VAMP4: variants seen among roughly 807,000 people sequenced by gnomAD.
VAMP4 encodes the protein vesicle-associated membrane protein 4.
In VAMP4, 19 loss-of-function variants were observed where a neutral mutation model predicts 23.5. The observed-to-expected ratio is 0.81, with a 90% CI of 0.56 to 1.19. The LOEUF (loss-of-function observed/expected upper bound fraction) is 1.19. Among genes scored for constraint, VAMP4 ranks in the 50% most tolerant of loss-of-function variants. The pLI is 0.00. For missense variants in VAMP4, 145 were observed against 168.6 expected, an observed-to-expected ratio of 0.86 and a Z score of 0.78; for synonymous variants, 31 against 51.0, an observed-to-expected ratio of 0.61 and a Z score of 1.67.
chr1:171,732,930 G>A (rs923344769), intron 2 of VAMP4, among the ~76,000 whole-genome samples: 2 of 152,040 alleles, frequency 1.3e-5, no homozygotes, highest in Admixed American at 6.6e-5. Context: ...CAAAAGACCT[G>A]ATGTCTGTAT....
chr1:171,738,458 C>T lies in VAMP4; in HGVS notation c.-44G>A. ...ATCTTTTGCTTCTCAACAGGATAGT[C>T]ACCACCTTAAAGAGAAAATAAATTT... On this transcript the variant is annotated 5_prime_UTR_variant, in exon 2 of 8. An upstream open reading frame in the 5' UTR loses its in-frame stop. Coordinates refer to ENST00000236192, the MANE Select transcript of VAMP4 (RefSeq NM_003762.5). 1 of 1,576,078 alleles carries T rather than the reference C, an allele frequency of 6.3e-7. No individual in the cohort carries two copies. The highest frequency in any genetic ancestry group is 8.7e-7 in the Non-Finnish European group (1 of 1,147,256).
At chr1:171,732,484 C>T (rs1655595879) in intron 2 of VAMP4, among the ~76,000 whole-genome samples, 1 of 152,064 alleles carries the variant, frequency 6.6e-6, no homozygotes, top group Non-Finnish European at 1.5e-5. Context: ...TTAGAGTGAG[C>T]TATGATCATG....
chr1:171,720,158 A>G (rs1655146483), intron 3 of VAMP4, among the ~76,000 whole-genome samples: 1 of 151,988 alleles, frequency 6.6e-6, no homozygotes. Flanking sequence ...ATACTGGAAC[A>G]GTATTCCATT....
intron 2 of VAMP4, among the ~76,000 whole-genome samples, chr1:171,735,674 T>C (rs1337733919): frequency 1.3e-5 from 2 of 152,182 alleles, no homozygotes; most frequent in East Asian, 3.8e-4. Flanking sequence ...TAACCGATGA[T>C]TTAAAAAATA....
chr1:171,731,550 G>C (rs1655568457), intron 2 of VAMP4, among the ~76,000 whole-genome samples: 1 of 152,142 alleles, frequency 6.6e-6, no homozygotes, highest in Middle Eastern at 3.2e-3. Flanking sequence ...TGAAATTTAA[G>C]CTGAGATCCA....
chr1:171,736,447 C>T (rs1655743184), intron 2 of VAMP4, among the ~76,000 whole-genome samples: 1 of 152,036 alleles, frequency 6.6e-6, no homozygotes, highest in African/African-American at 2.4e-5. Flanking sequence ...CAAGCAGACA[C>T]TAAGAGTTTC....
intron 3 of VAMP4, among the ~76,000 whole-genome samples, chr1:171,724,909 T>C (rs1055898115): frequency 2.6e-5 from 4 of 152,164 alleles, no homozygotes; most frequent in African/African-American, 7.2e-5. Context: ...CACACATATA[T>C]AGTCAATAAA....
rs1056915897 is a variant in VAMP4 at position 171,703,901 on chromosome 1, A to T, written c.*605T>A. ...CCATTTCCATAATCCAATGCCAAAA[A>T]AATTACTACACATTCTCTTACACAG... is the stretch of plus-strand genomic sequence containing the variant. On this transcript the variant is annotated 3_prime_UTR_variant, in exon 8 of 8. Transcript: ENST00000236192. 1.3e-5 allele frequency: 2 copies of T among 152,404 alleles called. No individual in the cohort carries two copies. Among genetic ancestry groups the T allele is most frequent in the African/African-American group, 4.8e-5 (2 of 41,446 alleles). 9.4% of individuals were successfully genotyped at this position (152,404 alleles called of 1,614,324 possible). A position where few individuals can be genotyped will look rare whatever the true frequency, so the allele number is the denominator to read the frequency against.
chr1:171,707,310 T>C (rs554690976), intron 6 of VAMP4, among the ~76,000 whole-genome samples: 6 of 152,322 alleles, frequency 3.9e-5, no homozygotes, highest in Non-Finnish European at 8.8e-5. Context: ...ATAAAACTTA[T>C]CCTCTTAAAA....
At chr1:171,723,171 C>T (rs6669263) in intron 3 of VAMP4, among the ~76,000 whole-genome samples, 25,368 of 152,014 alleles carry the variant, frequency 0.17, 2,229 homozygotes, top group Middle Eastern at 0.24. Context: ...AGATCACATG[C>T]TTCACAAGGC....
chr1:171,731,075 A>G (rs1655548692), intron 2 of VAMP4, among the ~76,000 whole-genome samples: 1 of 152,016 alleles, frequency 6.6e-6, no homozygotes, highest in African/African-American at 2.4e-5. Flanking sequence ...AAGAAGAAGA[A>G]GGATGTATTC....
chr1:171,735,860 C>T (rs960892893), intron 2 of VAMP4, among the ~76,000 whole-genome samples: 6 of 152,124 alleles, frequency 3.9e-5, no homozygotes, highest in Admixed American at 3.3e-4. Flanking sequence ...TTTAGTATTT[C>T]GCCAAACCTT....
At chr1:171,734,229 T>G (rs549755872) in intron 2 of VAMP4, among the ~76,000 whole-genome samples, 2 of 145,236 alleles carry the variant, frequency 1.4e-5, no homozygotes, top group South Asian at 4.3e-4. Context: ...GATCGCACCA[T>G]TGGACTCCAG....
Position 171,737,505 on chromosome 1 carries a change from T to C in VAMP4, c.66+844A>G, listed in dbSNP as rs188295581. Reference sequence around the variant, plus strand: ...ATAAAAGATACTCTGGAACATAAGATAATTACAGGTCTGGGGACCTTTATT... The same window carrying C: ...ATAAAAGATACTCTGGAACATAAGACAATTACAGGTCTGGGGACCTTTATT... On this transcript the variant is annotated intron_variant, in intron 2 of 7. Transcript: ENST00000236192. Among the ~76,000 whole-genome samples the C allele has an allele frequency of 2.0e-5, 3 of 152,336 alleles. No individual in the cohort carries two copies. In the East Asian group the frequency reaches 5.8e-4, roughly 29 times the overall value.
intron 2 of VAMP4, among the ~76,000 whole-genome samples, chr1:171,732,340 G>C (rs1233989298): frequency 7.3e-6 from 1 of 137,064 alleles, no homozygotes. Flanking sequence ...TGGCAACATA[G>C]CAAGACCGTG....
At chr1:171,738,945 C>T (rs998130970) in intron 1 of VAMP4, among the ~76,000 whole-genome samples, 4 of 152,180 alleles carry the variant, frequency 2.6e-5, no homozygotes, top group African/African-American at 9.7e-5. Context: ...AAATATTCTG[C>T]AAACTATAAT....
Position 171,700,462 on chromosome 1 carries a change from T to C in VAMP4, c.*4044A>G, listed in dbSNP as rs367781099. ...TTCTTATAGTTTGATTTCTAACATT[T>C]TACTGACTAAAATCTCTGCTAATTA... is the stretch of plus-strand genomic sequence containing the variant. On this transcript the variant is annotated 3_prime_UTR_variant, in exon 8 of 8. Transcript: ENST00000236192. 6.6e-6 allele frequency: 1 copy of C among 152,362 alleles called. No individual in the cohort carries two copies. The highest frequency in any genetic ancestry group is 1.9e-4 in the East Asian group (1 of 5,190). The allele number at this position is 152,362 out of a possible 1,614,324, so 9.4% of individuals were successfully genotyped here.
In VAMP4 at chr1:171,702,488, CTG is replaced by C. The variant is rs1425821801; in HGVS notation, c.*2016_*2017del. ...GTGGCATATTTTATTAAAAGGAACA[CTG>C]GAAATATGGATACTTTTTGAGAAGT... On this transcript the variant is annotated 3_prime_UTR_variant, in exon 8 of 8. Transcript: ENST00000236192. The C allele has an allele frequency of 6.6e-6, 1 of 151,892 alleles. No homozygotes were observed. Among genetic ancestry groups the C allele is most frequent in the Admixed American group, 6.6e-5 (1 of 15,252 alleles). The allele number at this position is 151,892 out of a possible 1,614,324, so 9.4% of individuals were successfully genotyped here.
Position 171,728,583 on chromosome 1 carries a change from GAA to G in VAMP4, c.67-15_67-14del, listed in dbSNP as rs1655450962. 2 of 1,558,462 alleles carry G rather than the reference GAA, an allele frequency of 1.3e-6. No individual in the cohort carries two copies. The highest frequency in any genetic ancestry group is 1.7e-6 in the Non-Finnish European group (2 of 1,154,146). On this transcript the variant is annotated splice_polypyrimidine_tract_variant and intron_variant, in intron 2 of 7. Transcript: ENST00000236192. ...CCAAAAGATTTCTCTGTCAAAAAAA[GAA>G]AAAGACTTGAGTTTTCAGATTCAGA...
Sources: gnomAD v4.1 joint callset for allele counts (sites outside exome capture counted in the v4.1 genomes callset) on GRCh38, gnomAD v4.1.1 for gene constraint, MANE v1.5 for transcripts, NCBI Gene and HGNC (gene_info 2026-07-23, HGNC 2026-07-21) for gene names.